Variants in ARHGAP15 observed in about 807,000 individuals in gnomAD.
ARHGAP15 encodes rho GTPase-activating protein 15.
Under a neutral mutation model 63.7 loss-of-function variants are expected in ARHGAP15, and 51 were observed. The ratio of observed to expected loss-of-function variants is 0.80; its 90% CI spans 0.64 to 1.01. ARHGAP15 has a LOEUF of 1.01. ARHGAP15 is among the 50% of genes least tolerant of loss of function. ARHGAP15 has a pLI of 0.00. For missense variants in ARHGAP15, 560 were observed against 564.6 expected (o/e 0.99, Z 0.08); for synonymous variants, 191 against 193.8 (o/e 0.99, Z 0.12).
intron 2 of ARHGAP15, among the ~76,000 whole-genome samples, chr2:143,156,077 T>C (rs1397879255): frequency 6.6e-6 from 1 of 151,906 alleles, no homozygotes; most frequent in Non-Finnish European, 1.5e-5. Context: ...AATCTCTTCC[T>C]TAAAATCTCC....
rs187200630 is a variant in ARHGAP15, at chr2:143,481,096, T to C, written c.704-6277T>C. Among the ~76,000 whole-genome samples, 492 of 152,182 alleles carry C rather than the reference T, an allele frequency of 3.2e-3. 6 individuals are homozygous for C. Among genetic ancestry groups the C allele is most frequent in the Non-Finnish European group, 5.3e-3 (357 of 67,994 alleles). On this transcript the variant is annotated intron_variant, in intron 8 of 13. Coordinates refer to ENST00000295095, the MANE Select transcript of ARHGAP15 (RefSeq NM_018460.4). ...GGGGATTAAGAGCCTGACAAAACCT[T>C]ATTTTGTCTTTTTTTTTTCTTTGAT... is the stretch of plus-strand genomic sequence containing the variant.
At chr2:143,292,894 C>T (rs1445388619) in intron 6 of ARHGAP15, among the ~76,000 whole-genome samples, 2 of 152,090 alleles carry the variant, frequency 1.3e-5, no homozygotes, top group East Asian at 3.9e-4. Context: ...ATATCGACCT[C>T]ATTAGTTTTA....
chr2:143,702,960 T>C (rs1438037726), intron 12 of ARHGAP15, among the ~76,000 whole-genome samples: 1 of 152,160 alleles, frequency 6.6e-6, no homozygotes, highest in Non-Finnish European at 1.5e-5. Context: ...CCATGTGAGG[T>C]AACATAGTCA....
At chr2:143,761,998 A>G (rs1686777197) in intron 13 of ARHGAP15, among the ~76,000 whole-genome samples, 1 of 152,190 alleles carries the variant, frequency 6.6e-6, no homozygotes, top group Admixed American at 6.5e-5. Flanking sequence ...CTATTTCATG[A>G]ACAAATTCAT....
intron 2 of ARHGAP15, among the ~76,000 whole-genome samples, chr2:143,179,359 T>A (rs1251212452): frequency 6.6e-6 from 1 of 152,184 alleles, no homozygotes; most frequent in Admixed American, 6.5e-5. Flanking sequence ...ATATCCTGCC[T>A]ATAAGTCTCC....
chr2:143,391,893 A>G (rs556808583), intron 6 of ARHGAP15, among the ~76,000 whole-genome samples: 1 of 152,334 alleles, frequency 6.6e-6, no homozygotes, highest in Non-Finnish European at 1.5e-5. Flanking sequence ...GACATTTATC[A>G]TGTTGTCATT....
intron 5 of ARHGAP15, among the ~76,000 whole-genome samples, chr2:143,239,870 A>C (rs1311577981): frequency 1.3e-5 from 2 of 151,922 alleles, no homozygotes. Flanking sequence ...GCCCACCTGC[A>C]ACCTGAGCTA....
chr2:143,438,492 C>T (rs1439340630), intron 8 of ARHGAP15, among the ~76,000 whole-genome samples: 8 of 152,030 alleles, frequency 5.3e-5, no homozygotes, highest in Non-Finnish European at 1.0e-4. Context: ...GTAGAAGCAC[C>T]CTTTTGAAAT....
intron 6 of ARHGAP15, among the ~76,000 whole-genome samples, chr2:143,405,774 C>T (rs953865212): frequency 6.6e-6 from 1 of 151,936 alleles, no homozygotes; most frequent in African/African-American, 2.4e-5. Context: ...TTCATTTCTA[C>T]CAGGACCCTA....
intron 6 of ARHGAP15, among the ~76,000 whole-genome samples, chr2:143,413,995 A>C (rs1688575605): frequency 7.8e-6 from 1 of 128,632 alleles, no homozygotes; most frequent in Admixed American, 8.8e-5. Context: ...AGTTAATCTG[A>C]AGCTAGTCAG....
chr2:143,346,240 A>ACACACT (rs1251167389), intron 6 of ARHGAP15, among the ~76,000 whole-genome samples: 39 of 143,610 alleles, frequency 2.7e-4, no homozygotes, highest in East Asian at 4.0e-4. Context: ...TCTCTCTCAC[A>ACACACT]CACACACACT....
At chr2:143,378,579 T>G (rs1187831532) in intron 6 of ARHGAP15, among the ~76,000 whole-genome samples, 1 of 152,068 alleles carries the variant, frequency 6.6e-6, no homozygotes, top group Non-Finnish European at 1.5e-5. Flanking sequence ...CAAAAATCAA[T>G]GGGAACTTTG....
chr2:143,141,607 A>G (rs533423356), intron 1 of ARHGAP15, among the ~76,000 whole-genome samples: 100 of 152,268 alleles, frequency 6.6e-4, no homozygotes, highest in Non-Finnish European at 1.2e-3. Flanking sequence ...GCACAGCACA[A>G]TATCCTACTC....
chr2:143,685,288 A>C (rs1044436536), intron 12 of ARHGAP15, among the ~76,000 whole-genome samples: 3 of 152,244 alleles, frequency 2.0e-5, no homozygotes, highest in Non-Finnish European at 2.9e-5. Context: ...TTGTGATTAC[A>C]GTGCAGAAGC....
intron 13 of ARHGAP15, among the ~76,000 whole-genome samples, chr2:143,711,271 C>T (rs1684568620): frequency 6.6e-6 from 1 of 152,188 alleles, no homozygotes; most frequent in Non-Finnish European, 1.5e-5. Context: ...TTATCGTCTC[C>T]TGAGGCAGAT....
intron 1 of ARHGAP15, among the ~76,000 whole-genome samples, chr2:143,132,166 T>A (rs1688938955): frequency 6.6e-6 from 1 of 152,216 alleles, no homozygotes; most frequent in Admixed American, 6.5e-5. Context: ...GTACAATAAA[T>A]GCTACATAAT....
chr2:143,550,539 C>T (rs1695512825), intron 10 of ARHGAP15, among the ~76,000 whole-genome samples: 1 of 152,174 alleles, frequency 6.6e-6, no homozygotes, highest in Admixed American at 6.6e-5. Flanking sequence ...AATTAAGTCC[C>T]TCAGTTGTAT....
chr2:143,377,710 C>A (rs1487980193), intron 6 of ARHGAP15, among the ~76,000 whole-genome samples: 3 of 151,962 alleles, frequency 2.0e-5, no homozygotes, highest in Non-Finnish European at 2.9e-5. Flanking sequence ...TAATTTACAG[C>A]AATAAATTAA....
At chr2:143,176,753 A>G (rs1691025248) in intron 2 of ARHGAP15, among the ~76,000 whole-genome samples, 1 of 152,246 alleles carries the variant, frequency 6.6e-6, no homozygotes. Context: ...GGCAGGATTC[A>G]CAAGGCAAGG....
Sources: allele counts gnomAD v4.1 joint callset (sites outside exome capture counted in the v4.1 genomes callset), GRCh38; gene constraint gnomAD v4.1.1; transcripts MANE v1.5; gene names NCBI Gene and HGNC (gene_info 2026-07-23, HGNC 2026-07-21).